Variants in MAST2 observed in about 807,000 individuals in gnomAD.
MAST2 encodes the protein microtubule associated serine/threonine kinase 2, also known as microtubule-associated serine/threonine-protein kinase 2.
A neutral mutation model predicts 147.4 loss-of-function variants in MAST2; 70 were observed. The ratio of observed to expected loss-of-function variants is 0.47; its 90% confidence interval spans 0.39 to 0.58. The LOEUF is 0.58. MAST2 is among the 20% of genes least tolerant of loss of function. MAST2 has a pLI of 0.00. For synonymous variants in MAST2, 869 were observed against 896.8 expected, an observed-to-expected ratio of 0.97 and a Z score of 0.55; for missense variants, 2,080 against 2,302.3, an observed-to-expected ratio of 0.90 and a Z score of 1.98.
rs945902462 is a variant in MAST2, at chr1:46,034,713, C to T, written c.4044C>T (p.His1348=). ...AGSIPLSPLA[H]TPSPPPPTAS... is the part of the protein sequence containing the mutation. The stretch of plus-strand genomic sequence containing the variant: ...GCATCCCACTGTCACCACTGGCCCA[C>T]ACCCCTTCTCCCCCACCCCCAACAG... Residue 1348 remains histidine (H), a synonymous_variant, in exon 29 of 29, where the codon CAC becomes CAT. Transcript: ENST00000361297. The T allele has an allele frequency of 6.2e-7, 1 of 1,614,162 alleles. No individual in the cohort carries two copies. Among genetic ancestry groups the T allele is most frequent in the Non-Finnish European group, 8.5e-7 (1 of 1,180,028 alleles).
chr1:45,813,123 A>G (rs1395661378), intron 1 of MAST2, among the ~76,000 whole-genome samples: 2 of 152,140 alleles, frequency 1.3e-5, no homozygotes, highest in African/African-American at 4.8e-5. Flanking sequence ...ATTATTTATA[A>G]TATATAATAC....
rs59392795 is a variant in MAST2, at chr1:45,875,749, G to A, written c.469-6615G>A. On this transcript the variant is annotated intron_variant, in intron 3 of 28. Transcript: ENST00000361297. ...AAAATGAAGAATGACCCTGGGTTTG[G>A]TGGTACCATCATCAAAATAGAGAAC... is the stretch of plus-strand genomic sequence containing the variant. Among the ~76,000 whole-genome samples, 1,260 of 152,186 alleles carry A rather than the reference G, an allele frequency of 8.3e-3. 20 individuals are homozygous for A. Among genetic ancestry groups the A allele is most frequent in the African/African-American group, 0.029 (1,191 of 41,520 alleles).
At chr1:45,881,726 A>G (rs1439117638) in intron 3 of MAST2, among the ~76,000 whole-genome samples, 1 of 152,120 alleles carries the variant, frequency 6.6e-6, no homozygotes, top group Non-Finnish European at 1.5e-5. Flanking sequence ...TTTACAATTC[A>G]GCAGCAGTTA....
intron 1 of MAST2, among the ~76,000 whole-genome samples, chr1:45,823,759 C>T (rs550885687): frequency 2.1e-4 from 32 of 151,914 alleles, no homozygotes; most frequent in Admixed American, 9.8e-4. Flanking sequence ...TGATTTTTTT[C>T]GAAAGTTTCT....
chr1:45,989,772 T>C (rs546904647), intron 5 of MAST2, among the ~76,000 whole-genome samples: 1 of 152,346 alleles, frequency 6.6e-6, no homozygotes, highest in Admixed American at 6.5e-5. Flanking sequence ...CACCATTGAT[T>C]GTTTTACTGT....
chr1:45,888,047 G>A lies in MAST2; in HGVS notation c.500+5652G>A, dbSNP rs555490132. ...GTAGGTGGGATCTGAAAATCCTTGA[G>A]AACCTGTTTTTGTTACTGTATGTTG... On this transcript the variant is annotated intron_variant, in intron 4 of 28. Coordinates refer to ENST00000361297, the MANE Select transcript of MAST2 (RefSeq NM_015112.3). 2.0e-5 allele frequency among the ~76,000 whole-genome samples: 3 copies of A among 152,254 alleles called. No individual in the cohort carries two copies. In the South Asian group the frequency reaches 6.2e-4, roughly 32 times the overall value.
At chr1:45,869,306 C>T (rs189949759) in intron 3 of MAST2, among the ~76,000 whole-genome samples, 4 of 152,230 alleles carry the variant, frequency 2.6e-5, no homozygotes, top group Admixed American at 6.5e-5. Context: ...TATCTGGAGT[C>T]TGTGTTAACA....
chr1:45,853,931 G>A (rs1645706187), intron 3 of MAST2, among the ~76,000 whole-genome samples: 1 of 151,900 alleles, frequency 6.6e-6, no homozygotes, highest in African/African-American at 2.4e-5. Context: ...GTGAGTTGTA[G>A]GTTAAGCTTA....
At chr1:45,825,580 G>A (rs377451485) in intron 2 of MAST2, among the ~76,000 whole-genome samples, 1 of 151,102 alleles carries the variant, frequency 6.6e-6, no homozygotes, top group Non-Finnish European at 1.5e-5. Flanking sequence ...TCACAGGTGC[G>A]CACCACCATG....
chr1:45,893,396 T>A (rs1476885204), intron 4 of MAST2, among the ~76,000 whole-genome samples: 5 of 151,954 alleles, frequency 3.3e-5, no homozygotes, highest in South Asian at 4.2e-4. Flanking sequence ...TTTTTTATTT[T>A]ATTTTAATTT....
chr1:45,957,832 G>C (rs937899427), intron 4 of MAST2, among the ~76,000 whole-genome samples: 1 of 152,130 alleles, frequency 6.6e-6, no homozygotes, highest in East Asian at 1.9e-4. Context: ...CATGATTCTG[G>C]GTTTTTCTTC....
At chr1:45,851,038 C>T (rs1335704906) in intron 3 of MAST2, among the ~76,000 whole-genome samples, 3 of 151,996 alleles carry the variant, frequency 2.0e-5, no homozygotes, top group Non-Finnish European at 4.4e-5. Flanking sequence ...TATGCTGAAT[C>T]TGTAGATTGA....
At chr1:45,830,580 A>C (rs556140854) in intron 3 of MAST2, among the ~76,000 whole-genome samples, 3 of 152,142 alleles carry the variant, frequency 2.0e-5, no homozygotes, top group South Asian at 2.1e-4. Flanking sequence ...TCAATGAGTA[A>C]ATTTTCCTGG....
chr1:45,915,538 G>A (rs1190452440), intron 4 of MAST2, among the ~76,000 whole-genome samples: 1 of 152,052 alleles, frequency 6.6e-6, no homozygotes, highest in Non-Finnish European at 1.5e-5. Flanking sequence ...GTGAAACTCT[G>A]TCTCTACTGA....
At chr1:45,870,376 G>A (rs1287293445) in intron 3 of MAST2, among the ~76,000 whole-genome samples, 1 of 151,978 alleles carries the variant, frequency 6.6e-6, no homozygotes, top group South Asian at 2.1e-4. Context: ...CAGGAATAAT[G>A]TATGATTCAG....
chr1:45,930,645 C>G (rs1475946034), intron 4 of MAST2, among the ~76,000 whole-genome samples: 1 of 152,044 alleles, frequency 6.6e-6, no homozygotes. Flanking sequence ...CAGTCATTCC[C>G]AGAACTTTTC....
chr1:45,894,740 A>T (rs545091548), intron 4 of MAST2, among the ~76,000 whole-genome samples: 1 of 152,230 alleles, frequency 6.6e-6, no homozygotes, highest in Non-Finnish European at 1.5e-5. Flanking sequence ...TAGTCTTCAT[A>T]CTCTGGAACA....
intron 5 of MAST2, among the ~76,000 whole-genome samples, chr1:45,989,311 G>C (rs898908490): frequency 6.6e-6 from 1 of 152,098 alleles, no homozygotes; most frequent in African/African-American, 2.4e-5. Flanking sequence ...CAGTGTACGT[G>C]TATAGCAGTA....
At chr1:45,810,700 A>C (rs1383202795) in intron 1 of MAST2, among the ~76,000 whole-genome samples, 1 of 148,720 alleles carries the variant, frequency 6.7e-6, no homozygotes, top group African/African-American at 2.5e-5. Context: ...AATCCCAGCT[A>C]CTTGGGAGGC....
Sources: gnomAD v4.1 joint callset for allele counts (sites outside exome capture counted in the v4.1 genomes callset) on GRCh38, gnomAD v4.1.1 for gene constraint, MANE v1.5 for transcripts, NCBI Gene and HGNC (gene_info 2026-07-23, HGNC 2026-07-21) for gene names.